The following METTL24 variants were observed in gnomAD, a reference collection of about 807,000 sequenced individuals.
METTL24 encodes methyltransferase like 24, also known as probable methyltransferase-like protein 24.
Under a neutral mutation model 32.7 loss-of-function variants are expected in METTL24, and 29 were observed. That is an observed-to-expected ratio of 0.89 (90% CI 0.66 to 1.21). The LOEUF (loss-of-function observed/expected upper bound fraction) is 1.21, where lower values mean the gene tolerates loss of function less well. METTL24 is among the 50% of genes most tolerant of loss of function. The pLI, the probability that METTL24 is intolerant of heterozygous loss-of-function variation, is 0.00. For synonymous variants in METTL24, 163 were observed against 179.5 expected (o/e 0.91, Z 0.73); for missense variants, 439 against 468.1 (o/e 0.94, Z 0.57).
At chr6:110,343,187 C>A (rs939558886) in intron 1 of METTL24, among the ~76,000 whole-genome samples, 1 of 152,048 alleles carries the variant, frequency 6.6e-6, no homozygotes, top group African/African-American at 2.4e-5. Flanking sequence ...ACCCCAAAAG[C>A]CAAAGGAGAA....
chr6:110,300,692 A>G (rs1265018663), intron 3 of METTL24, among the ~76,000 whole-genome samples: 1 of 152,148 alleles, frequency 6.6e-6, no homozygotes, highest in Non-Finnish European at 1.5e-5. Flanking sequence ...AAGTACTGGG[A>G]TTACAGGCAT....
chr6:110,292,822 T>C (rs1771342982), intron 4 of METTL24, among the ~76,000 whole-genome samples: 1 of 152,078 alleles, frequency 6.6e-6, no homozygotes, highest in African/African-American at 2.4e-5. Flanking sequence ...AAAAAACATT[T>C]TTAAAATAAA....
chr6:110,336,256 A>C (rs1772225196), intron 1 of METTL24, among the ~76,000 whole-genome samples: 1 of 152,226 alleles, frequency 6.6e-6, no homozygotes, highest in East Asian at 1.9e-4. Flanking sequence ...TCCCTGAATG[A>C]CAGCAACAAG....
chr6:110,340,181 T>G (rs2114770355), intron 1 of METTL24, among the ~76,000 whole-genome samples: 1 of 150,746 alleles, frequency 6.6e-6, no homozygotes, highest in African/African-American at 2.4e-5. Flanking sequence ...CGCTCACACA[T>G]CTGGCACAAG....
At chr6:110,281,898 A>T (rs2114717961) in intron 4 of METTL24, among the ~76,000 whole-genome samples, 1 of 152,266 alleles carries the variant, frequency 6.6e-6, no homozygotes, top group Non-Finnish European at 1.5e-5. Flanking sequence ...AAAAGTATCA[A>T]ACTGTCACTA....
chr6:110,270,408 G>A (rs936665292), intron 4 of METTL24, among the ~76,000 whole-genome samples: 3 of 152,116 alleles, frequency 2.0e-5, no homozygotes, highest in African/African-American at 7.2e-5. Flanking sequence ...TGGAAACAAA[G>A]GGTAGAATGC....
At chr6:110,258,547 G>A (rs1778427686) in intron 4 of METTL24, among the ~76,000 whole-genome samples, 1 of 151,972 alleles carries the variant, frequency 6.6e-6, no homozygotes, top group Admixed American at 6.6e-5. Flanking sequence ...ATGGATGTAT[G>A]GACAAACAGA....
chr6:110,334,205 T>C (rs1417110628), intron 1 of METTL24, among the ~76,000 whole-genome samples: 2 of 152,114 alleles, frequency 1.3e-5, no homozygotes, highest in East Asian at 3.9e-4. Context: ...CGAGGTCTCT[T>C]TGGTGGCTCT....
At chr6:110,315,596 C>T in intron 2 of METTL24, 115 bp from the exon 3 acceptor site, 19 of 1,093,324 alleles carry the variant, frequency 1.7e-5, no homozygotes, top group Non-Finnish European at 2.5e-5. Context: ...ATAATCTCCT[C>T]CACTGCTAAC....
intron 4 of METTL24, among the ~76,000 whole-genome samples, chr6:110,278,886 G>A (rs934002565): frequency 5.9e-5 from 9 of 152,168 alleles, no homozygotes; most frequent in Admixed American, 3.3e-4. Context: ...GCCAGTCATG[G>A]TGGCATGCAC....
intron 1 of METTL24, among the ~76,000 whole-genome samples, chr6:110,331,588 G>T (rs1490102856): frequency 6.7e-6 from 1 of 148,480 alleles, no homozygotes; most frequent in African/African-American, 2.5e-5. Flanking sequence ...TTGAGACTGG[G>T]AGGTCAAGGC....
intron 3 of METTL24, among the ~76,000 whole-genome samples, chr6:110,304,344 C>T (rs1771591131): frequency 6.6e-6 from 1 of 152,162 alleles, no homozygotes; most frequent in Admixed American, 6.5e-5. Flanking sequence ...AAGTAGGCTT[C>T]AGAAGGTGGG....
chr6:110,324,587 C>T (rs562393140), intron 1 of METTL24, among the ~76,000 whole-genome samples: 6 of 152,310 alleles, frequency 3.9e-5, no homozygotes, highest in African/African-American at 1.2e-4. Flanking sequence ...AAAGGCCCTG[C>T]ATTTCATTTT....
At chr6:110,296,493 A>G (rs972031955) in intron 4 of METTL24, among the ~76,000 whole-genome samples, 3 of 152,142 alleles carry the variant, frequency 2.0e-5, no homozygotes, top group African/African-American at 4.8e-5. Flanking sequence ...CAGGCTTTTG[A>G]TTTATAGTTT....
intron 4 of METTL24, among the ~76,000 whole-genome samples, chr6:110,262,683 G>C (rs9689791): frequency 0.072 from 10,926 of 152,054 alleles, 583 homozygotes; most frequent in African/African-American, 0.16. Context: ...GAATTTTAGA[G>C]CAATATCCTT....
At chr6:110,322,985 A>T in intron 1 of METTL24, 113 bp from the exon 2 acceptor site, 1 of 668,176 alleles carries the variant, frequency 1.5e-6, no homozygotes, top group East Asian at 2.7e-5. Flanking sequence ...CAAAACACAC[A>T]CATATGCACA....
At chr6:110,275,151 T>G (rs752418646) in intron 4 of METTL24, among the ~76,000 whole-genome samples, 6 of 151,830 alleles carry the variant, frequency 4.0e-5, no homozygotes, top group Non-Finnish European at 7.4e-5. Flanking sequence ...AGATCTTAGC[T>G]TGGAATTGTC....
At position 110,244,033 on chromosome 6, in the gene METTL24, TG is replaced by T. The variant is rs891859202; in HGVS notation, c.*1912del. Among the ~76,000 whole-genome samples, 7 of 152,220 alleles carry T rather than the reference TG, an allele frequency of 4.6e-5. No individual in the cohort carries two copies. Among genetic ancestry groups the T allele is most frequent in the African/African-American group, 1.7e-4 (7 of 41,450 alleles). ...TAATGAGAGAGAGCATTTGAACCGCTGAGAACCTAAACTTTCCACTTAACTT... is the reference window on the plus strand; with the variant it reads ...TAATGAGAGAGAGCATTTGAACCGCTAGAACCTAAACTTTCCACTTAACTT... On this transcript the variant is annotated 3_prime_UTR_variant, in exon 5 of 5. Coordinates refer to ENST00000338882, the MANE Select transcript of METTL24 (RefSeq NM_001123364.3).
intron 4 of METTL24, among the ~76,000 whole-genome samples, chr6:110,286,199 C>T (rs575495886): frequency 1.3e-5 from 2 of 152,266 alleles, no homozygotes; most frequent in African/African-American, 4.8e-5. Context: ...CAGCCAGGCT[C>T]CTGACCCCCG....
Sources: allele counts gnomAD v4.1 joint callset (sites outside exome capture counted in the v4.1 genomes callset), GRCh38; gene constraint gnomAD v4.1.1; transcripts MANE v1.5; gene names NCBI Gene and HGNC (gene_info 2026-07-23, HGNC 2026-07-21).